WBP1L: variants seen among roughly 807,000 people sequenced by gnomAD.
WBP1L encodes the protein WW domain binding protein 1 like.
WBP1L carries 17 observed loss-of-function variants against 33.7 expected under a neutral mutation model. The observed-to-expected ratio is 0.50, with a 90% confidence interval of 0.34 to 0.76. The LOEUF (loss-of-function observed/expected upper bound fraction) is 0.76, where lower values mean the gene tolerates loss of function less well. Among genes scored for constraint, WBP1L ranks in the 30% least tolerant of loss-of-function variants. The probability of loss-of-function intolerance (pLI) is 0.01; values close to 1 mark genes in which losing one functional copy is unlikely to be tolerated. For synonymous variants in WBP1L, 173 were observed against 190.8 expected, an observed-to-expected ratio of 0.91 and a Z score of 0.77; for missense variants, 389 against 469.4, an observed-to-expected ratio of 0.83 and a Z score of 1.58.
rs1255641869 is a variant in WBP1L, at chr10:102,743,983, G to C, written c.-71G>C. ...AAAAGAAGGGAAGAAGGAAGAAGAGGGTAGAGGAGGAGAGGGAGGAGGAGG... is the reference window on the plus strand; with the variant it reads ...AAAAGAAGGGAAGAAGGAAGAAGAGCGTAGAGGAGGAGAGGGAGGAGGAGG... On this transcript the variant is annotated 5_prime_UTR_variant, in exon 1 of 4. Transcript: ENST00000448841. 1 of 1,143,400 alleles carries C rather than the reference G, an allele frequency of 8.7e-7. No homozygotes were observed. Among genetic ancestry groups the C allele is most frequent in the South Asian group, 1.4e-5 (1 of 73,968 alleles). 70.8% of individuals were successfully genotyped at this position (1,143,400 alleles called of 1,614,324 possible).
chr10:102,798,025 A>T lies in WBP1L; in HGVS notation c.123A>T (p.Gln41His). The change falls in exon 2 of 4, where the codon CAA becomes CAT. Residue 41 changes from glutamine (Q) to histidine (H), a missense_variant. Coordinates refer to ENST00000448841, the MANE Select transcript of WBP1L (RefSeq NM_001083913.2). ...AAGCCTGTGTGGGTACCAACAATCAAAGCTACATCTGTGACACAGGACACT... is the reference window on the plus strand; with the variant it reads ...AAGCCTGTGTGGGTACCAACAATCATAGCTACATCTGTGACACAGGACACT... ...DKEACVGTNN[Q>H]SYICDTGHCC... 6.2e-7 allele frequency: 1 copy of T among 1,614,128 alleles called. No homozygotes were observed.
At chr10:102,784,346 C>T (rs1426396016) in intron 1 of WBP1L, among the ~76,000 whole-genome samples, 1 of 152,140 alleles carries the variant, frequency 6.6e-6, no homozygotes, top group Non-Finnish European at 1.5e-5. Context: ...CCCCACTCCC[C>T]CAAGGTTTTC....
intron 1 of WBP1L, among the ~76,000 whole-genome samples, chr10:102,767,959 C>T (rs1055096591): frequency 6.6e-6 from 1 of 152,196 alleles, no homozygotes; most frequent in Non-Finnish European, 1.5e-5. Context: ...TGGACGTATG[C>T]CCCATGCGTC....
chr10:102,763,882 C>T (rs560813078), intron 1 of WBP1L, among the ~76,000 whole-genome samples: 4 of 152,266 alleles, frequency 2.6e-5, no homozygotes, highest in East Asian at 1.9e-4. Flanking sequence ...GGCGCGATCT[C>T]GACTCACTGC....
rs1288686538 is a variant in WBP1L at position 102,810,014 on chromosome 10, C to T, written c.315C>T (p.Tyr105=). 2 of 1,613,858 alleles carry T rather than the reference C, an allele frequency of 1.2e-6. No individual in the cohort carries two copies. Among genetic ancestry groups the T allele is most frequent in the African/African-American group, 2.7e-5 (2 of 75,046 alleles). ...AACATGAAATCAACCTGATCGCTTA[C>T]CGAGAAGCCCACAATTACTCAGCGC... ...QRQHEINLIA[Y]REAHNYSALP... The change falls in exon 3 of 4, where the codon TAC becomes TAT. Residue 105 remains tyrosine (Y), a synonymous_variant. Transcript: ENST00000448841.
At chr10:102,767,294 T>TGG (rs1489637126) in intron 1 of WBP1L, among the ~76,000 whole-genome samples, 1 of 151,756 alleles carries the variant, frequency 6.6e-6, no homozygotes, top group Non-Finnish European at 1.5e-5. Context: ...GTTTGGGGGG[T>TGG]GGGGAGGCAA....
At chr10:102,770,441 T>C (rs1843172841) in intron 1 of WBP1L, among the ~76,000 whole-genome samples, 2 of 152,230 alleles carry the variant, frequency 1.3e-5, no homozygotes, top group African/African-American at 4.8e-5. Flanking sequence ...TGTCCTGTTC[T>C]GACAAACTCT....
At chr10:102,756,058 A>T (rs1180416234) in intron 1 of WBP1L, among the ~76,000 whole-genome samples, 1 of 151,814 alleles carries the variant, frequency 6.6e-6, no homozygotes, top group African/African-American at 2.4e-5. Flanking sequence ...ATCTATATAT[A>T]GTCTATATAT....
intron 2 of WBP1L, among the ~76,000 whole-genome samples, chr10:102,802,884 C>T (rs557520819): frequency 1.3e-5 from 2 of 152,294 alleles, no homozygotes; most frequent in African/African-American, 4.8e-5. Context: ...ATGGTTAAGC[C>T]TGTAACAACA....
At chr10:102,779,521 C>CAG (rs751330644) in intron 1 of WBP1L, among the ~76,000 whole-genome samples, 61 of 152,094 alleles carry the variant, frequency 4.0e-4, no homozygotes, top group Non-Finnish European at 4.4e-4. Flanking sequence ...AGGCTGATCT[C>CAG]AAACTCCTGA....
chr10:102,798,172 T>TGCCCAGAG, intron 2 of WBP1L, 77 bp downstream of exon 2: 1 of 1,289,316 alleles, frequency 7.8e-7, no homozygotes, highest in Non-Finnish European at 1.1e-6. Context: ...ACTCTGGGCA[T>TGCCCAGAG]TAGCCCTTTT....
intron 1 of WBP1L, among the ~76,000 whole-genome samples, chr10:102,786,979 C>T (rs1843424579): frequency 6.6e-6 from 1 of 152,214 alleles, no homozygotes; most frequent in African/African-American, 2.4e-5. Context: ...GTAAACCACA[C>T]TATCAGATCT....
At chr10:102,749,250 T>A (rs1388503872) in intron 1 of WBP1L, among the ~76,000 whole-genome samples, 1 of 152,208 alleles carries the variant, frequency 6.6e-6, no homozygotes, top group African/African-American at 2.4e-5. Context: ...GAAACATATT[T>A]GTTTATTTAC....
At chr10:102,767,613 G>A (rs1250165134) in intron 1 of WBP1L, among the ~76,000 whole-genome samples, 1 of 152,148 alleles carries the variant, frequency 6.6e-6, no homozygotes, top group Non-Finnish European at 1.5e-5. Context: ...GCCCACTTTG[G>A]AGACCGAGAG....
At chr10:102,763,061 G>C (rs1489252734) in intron 1 of WBP1L, among the ~76,000 whole-genome samples, 1 of 152,014 alleles carries the variant, frequency 6.6e-6, no homozygotes, top group Non-Finnish European at 1.5e-5. Context: ...AAAATTAGCT[G>C]GGTGGTGTGG....
chr10:102,765,394 G>A (rs1051496333), intron 1 of WBP1L, among the ~76,000 whole-genome samples: 4 of 152,028 alleles, frequency 2.6e-5, no homozygotes, highest in Admixed American at 6.6e-5. Flanking sequence ...CATCACGCCC[G>A]ACTAATTTTT....
intron 1 of WBP1L, among the ~76,000 whole-genome samples, chr10:102,770,472 T>C (rs1336759167): frequency 2.0e-5 from 3 of 152,186 alleles, no homozygotes; most frequent in African/African-American, 7.2e-5. Context: ...ATCCCTTGAT[T>C]GTAAAATAAG....
intron 1 of WBP1L, chr10:102,746,097 A>G: frequency 2.0e-6 from 2 of 982,282 alleles, no homozygotes; most frequent in Non-Finnish European, 2.4e-6. Flanking sequence ...CTGGTCAAAG[A>G]TAGGAACTAG....
At position 102,810,179 on chromosome 10, in the gene WBP1L, G is replaced by A. The variant is rs555305482; in HGVS notation, c.355+125G>A. The A allele has an allele frequency of 9.1e-5, 115 of 1,269,188 alleles. No individual in the cohort carries two copies. In the Middle Eastern group the frequency reaches 1.8e-3, roughly 19 times the overall value. 78.6% of individuals were successfully genotyped at this position (1,269,188 alleles called of 1,614,324 possible). On this transcript the variant is annotated intron_variant, in intron 3 of 3. Coordinates refer to ENST00000448841, the MANE Select transcript of WBP1L (RefSeq NM_001083913.2). ...GGGTTTGTCCTCTCCCTGCCCCTCC[G>A]TAGAGCAAGGTCTTGAAAGTACAGG...
Sources: allele counts gnomAD v4.1 joint callset (sites outside exome capture counted in the v4.1 genomes callset), GRCh38; gene constraint gnomAD v4.1.1; transcripts MANE v1.5; gene names NCBI Gene and HGNC (gene_info 2026-07-23, HGNC 2026-07-21).